The following SCAMP4 variants were observed in gnomAD, a reference collection of about 807,000 sequenced individuals.
SCAMP4 encodes secretory carrier-associated membrane protein 4.
A neutral mutation model predicts 32.1 loss-of-function variants in SCAMP4; 19 were observed. The ratio of observed to expected loss-of-function variants is 0.59; its 90% CI spans 0.41 to 0.87. The LOEUF (loss-of-function observed/expected upper bound fraction) is 0.87. Among genes scored for constraint, SCAMP4 ranks in the 40% least tolerant of loss-of-function variants. The pLI is 0.00. For synonymous variants in SCAMP4, 152 were observed against 132.7 expected (o/e 1.15, Z -1.00); for missense variants, 302 against 309.0 (o/e 0.98, Z 0.17).
At chr19:1,913,766 C>T (rs760423239) in intron 1 of SCAMP4, among the ~76,000 whole-genome samples, 9 of 152,238 alleles carry the variant, frequency 5.9e-5, no homozygotes, top group Non-Finnish European at 1.2e-4. Flanking sequence ...TGATGCTAGT[C>T]GGTCACAGCA....
chr19:1,911,885 A>T, intron 1 of SCAMP4: 1 of 842,186 alleles, frequency 1.2e-6, no homozygotes, highest in Non-Finnish European at 1.7e-6. Context: ...CTCTGTGCAC[A>T]CCAGGGGTTA....
At chr19:1,906,520 C>T (rs1379302178) in intron 1 of SCAMP4, 1 of 151,996 alleles carries the variant, frequency 6.6e-6, no homozygotes, top group Non-Finnish European at 1.5e-5. Context: ...GCCTGGGCAA[C>T]AGAGCGAGAC....
In SCAMP4 at chr19:1,923,052, C is replaced by G. The variant is rs369843359; in HGVS notation, c.396-18C>G. 1.3e-6 allele frequency: 2 copies of G among 1,529,510 alleles called. No individual in the cohort carries two copies. The highest frequency in any genetic ancestry group is 1.2e-5 in the South Asian group (1 of 81,796). The allele number at this position is 1,529,510 out of a possible 1,614,324, so 94.7% of individuals were successfully genotyped here. The stretch of plus-strand genomic sequence containing the variant: ...CAGCAGGTGTGCAGGCACCCACGCA[C>G]TCTCTTGTCCCTTGCAGCGGCTGGC... On this transcript the variant is annotated intron_variant, in intron 5 of 6. Coordinates refer to ENST00000316097, the MANE Select transcript of SCAMP4 (RefSeq NM_079834.4).
At chr19:1,922,888 G>A (rs746318230) in intron 5 of SCAMP4, 182 bp from the exon 6 acceptor site, 76 of 1,331,738 alleles carry the variant, frequency 5.7e-5, no homozygotes, top group South Asian at 1.2e-4. Context: ...TCGTATTCAC[G>A]CGTTGAAGTT....
intron 1 of SCAMP4, among the ~76,000 whole-genome samples, chr19:1,911,234 C>G (rs777738584): frequency 6.6e-6 from 1 of 151,578 alleles, no homozygotes; most frequent in African/African-American, 2.4e-5. Flanking sequence ...TACAGTGGCA[C>G]GATTGTAGCT....
chr19:1,922,312 A>G (rs1372124567), intron 5 of SCAMP4: 2 of 959,848 alleles, frequency 2.1e-6, no homozygotes, highest in East Asian at 2.3e-4. Context: ...CAGGCTGGAG[A>G]GCAACGGCAC....
intron 1 of SCAMP4, among the ~76,000 whole-genome samples, chr19:1,913,777 C>G (rs1568767786): frequency 1.3e-5 from 2 of 152,236 alleles, no homozygotes; most frequent in Non-Finnish European, 2.9e-5. Context: ...GGTCACAGCA[C>G]AGTGAGGACT....
At chr19:1,913,498 G>A in intron 1 of SCAMP4, 1 of 378,856 alleles carries the variant, frequency 2.6e-6, no homozygotes, top group Non-Finnish European at 4.9e-6. Flanking sequence ...TCCCGAGTGG[G>A]GTGGGGTCTG....
intron 2 of SCAMP4, among the ~76,000 whole-genome samples, chr19:1,915,696 C>T (rs1490361619): frequency 6.6e-6 from 1 of 152,208 alleles, no homozygotes; most frequent in African/African-American, 2.4e-5. Flanking sequence ...CCTGTAATCC[C>T]AGCACTTTGG....
intron 5 of SCAMP4, chr19:1,921,253 C>T (rs966452642): frequency 2.5e-5 from 25 of 985,190 alleles, no homozygotes; most frequent in Middle Eastern, 5.2e-4. Context: ...GCGACAGCCC[C>T]GCTCTCCCTG....
chr19:1,924,616 G>A lies in SCAMP4; in HGVS notation c.*332G>A. On this transcript the variant is annotated 3_prime_UTR_variant, in exon 7 of 7. Coordinates refer to ENST00000316097, the MANE Select transcript of SCAMP4 (RefSeq NM_079834.4). ...TCAGGTCTCGAGGCCTGACTCCGGG[G>A]GACAGGTGGCAGCAGGTCGGCCGCC... 1 of 320,616 alleles carries A rather than the reference G, an allele frequency of 3.1e-6. No homozygotes were observed. The highest frequency in any genetic ancestry group is 6.1e-6 in the Non-Finnish European group (1 of 163,136). 19.9% of individuals were successfully genotyped at this position (320,616 alleles called of 1,614,324 possible). A position where few individuals can be genotyped will look rare whatever the true frequency, so the allele number is the denominator to read the frequency against.
At chr19:1,916,557 C>G (rs576876867) in intron 2 of SCAMP4, among the ~76,000 whole-genome samples, 5 of 152,254 alleles carry the variant, frequency 3.3e-5, no homozygotes, top group African/African-American at 1.2e-4. Context: ...TTCCTGGGTT[C>G]AAGCGATCCT....
intron 3 of SCAMP4, 115 bp downstream of exon 3, chr19:1,917,937 T>C (rs2013787475): frequency 1.4e-6 from 2 of 1,427,670 alleles, no homozygotes; most frequent in African/African-American, 2.8e-5. Flanking sequence ...GAAGCCGTCC[T>C]GGGCCTGGTG....
chr19:1,925,713 C>T lies in SCAMP4; in HGVS notation c.*1429C>T, dbSNP rs1336763005. On this transcript the variant is annotated 3_prime_UTR_variant, in exon 7 of 7. Coordinates refer to ENST00000316097, the MANE Select transcript of SCAMP4 (RefSeq NM_079834.4). ...CCCAGGATGTGAGCCAGTCCCCTCG[C>T]TGGTACGGAATGCCGCTGGGTGCCC... The T allele has an allele frequency of 6.5e-6, 1 of 152,704 alleles. No individual in the cohort carries two copies. Among genetic ancestry groups the T allele is most frequent in the African/African-American group, 2.4e-5 (1 of 41,384 alleles). The allele number at this position is 152,704 out of a possible 1,614,324, so 9.5% of individuals were successfully genotyped here. A position where few individuals can be genotyped will look rare whatever the true frequency, so the allele number is the denominator to read the frequency against.
chr19:1,919,300 C>G (rs181697591), intron 5 of SCAMP4: 1 of 1,210,618 alleles, frequency 8.3e-7, no homozygotes, highest in Non-Finnish European at 1.0e-6. Flanking sequence ...CACCCCTGAC[C>G]CGGGGTCTGG....
intron 5 of SCAMP4, chr19:1,922,752 A>C: frequency 9.7e-7 from 1 of 1,030,416 alleles, no homozygotes; most frequent in Non-Finnish European, 1.2e-6. Flanking sequence ...ATGGGGAAGC[A>C]CTGGTCTCCA....
At chr19:1,907,643 C>T (rs141272865) in intron 1 of SCAMP4, among the ~76,000 whole-genome samples, 25 of 152,270 alleles carry the variant, frequency 1.6e-4, no homozygotes, top group Admixed American at 5.2e-4. Context: ...GGGTTGTCAC[C>T]ACGCAGGGTC....
chr19:1,913,024 C>A (rs775738748), intron 1 of SCAMP4: 4 of 1,604,978 alleles, frequency 2.5e-6, no homozygotes, highest in Non-Finnish European at 3.4e-6. Context: ...TTCTACGGTG[C>A]GCCCTCGCCC....
chr19:1,905,877 C>G (rs1236104308), intron 1 of SCAMP4: 1 of 152,274 alleles, frequency 6.6e-6, no homozygotes, highest in Middle Eastern at 3.2e-3. Flanking sequence ...TGTGGAGATT[C>G]CCCTAGGCCT....
Sources: allele counts gnomAD v4.1 joint callset (sites outside exome capture counted in the v4.1 genomes callset), GRCh38; gene constraint gnomAD v4.1.1; transcripts MANE v1.5; gene names NCBI Gene and HGNC (gene_info 2026-07-23, HGNC 2026-07-21).